Variants in QTMAN observed in about 807,000 individuals in gnomAD.
QTMAN encodes the protein tRNA-queuosine alpha-mannosyltransferase.
At chr2:144,021,692 T>C in the QTMAN span, among the ~76,000 whole-genome samples, 2 of 152,320 alleles carry the variant, frequency 1.3e-5, no homozygotes, top group South Asian at 2.1e-4. Flanking sequence ...ATAAACCCAA[T>C]GTAATAATTA....
the QTMAN span, among the ~76,000 whole-genome samples, chr2:144,170,128 T>C: frequency 6.6e-6 from 1 of 152,220 alleles, no homozygotes; most frequent in Non-Finnish European, 1.5e-5. Flanking sequence ...AGAATTAATA[T>C]TTCACTATAT....
At chr2:144,319,539 C>T in the QTMAN span, among the ~76,000 whole-genome samples, 1 of 151,928 alleles carries the variant, frequency 6.6e-6, no homozygotes, top group Non-Finnish European at 1.5e-5. Context: ...CCAACCAATA[C>T]CACCAAAATT....
At chr2:143,962,309 G>A in the QTMAN span, among the ~76,000 whole-genome samples, 1 of 152,050 alleles carries the variant, frequency 6.6e-6, no homozygotes, top group African/African-American at 2.4e-5. Flanking sequence ...GTCTACATGG[G>A]GAGGAAGAAA....
the QTMAN span, among the ~76,000 whole-genome samples, chr2:143,951,269 C>T: frequency 4.6e-5 from 7 of 151,630 alleles, no homozygotes; most frequent in African/African-American, 1.2e-4. Flanking sequence ...CTTCAAAACT[C>T]ATAAAGCAGA....
At chr2:144,215,259 A>AT in the QTMAN span, among the ~76,000 whole-genome samples, 153 of 149,360 alleles carry the variant, frequency 1.0e-3, no homozygotes, top group East Asian at 3.1e-3. Flanking sequence ...TAAAAAAAAA[A>AT]AAATATATAT....
the QTMAN span, among the ~76,000 whole-genome samples, chr2:144,047,619 T>G: frequency 6.6e-6 from 1 of 152,138 alleles, no homozygotes; most frequent in African/African-American, 2.4e-5. Flanking sequence ...TTAACATGCT[T>G]TCTAAAGTAA....
chr2:144,178,676 C>T, the QTMAN span: 1 of 219,198 alleles, frequency 4.6e-6, no homozygotes, highest in East Asian at 1.4e-4. Flanking sequence ...CAGCACCTAC[C>T]CTATACCATA....
chr2:144,234,848 A>T, the QTMAN span, among the ~76,000 whole-genome samples: 3 of 152,152 alleles, frequency 2.0e-5, no homozygotes, highest in African/African-American at 7.2e-5. Flanking sequence ...GAGTGAGAAC[A>T]TGGGGAAGGA....
chr2:144,028,319 G>T, the QTMAN span, among the ~76,000 whole-genome samples: 1 of 152,070 alleles, frequency 6.6e-6, no homozygotes, highest in African/African-American at 2.4e-5. Context: ...CAAAATGAAG[G>T]TTATTGCCAG....
At chr2:144,059,649 T>G in the QTMAN span, among the ~76,000 whole-genome samples, 96 of 152,232 alleles carry the variant, frequency 6.3e-4, no homozygotes, top group African/African-American at 2.2e-3. Context: ...TATCCAACCC[T>G]CCAATGGCTT....
At chr2:144,264,596 G>A in the QTMAN span, among the ~76,000 whole-genome samples, 1 of 152,184 alleles carries the variant, frequency 6.6e-6, no homozygotes, top group Non-Finnish European at 1.5e-5. Context: ...TATCTAAAAG[G>A]AGAATGCACC....
At chr2:144,115,310 G>GT in the QTMAN span, among the ~76,000 whole-genome samples, 4 of 152,184 alleles carry the variant, frequency 2.6e-5, no homozygotes, top group Non-Finnish European at 4.4e-5. Flanking sequence ...GTGATTCAAA[G>GT]TAAGAATGCT....
At chr2:144,168,629 TTTAAA>T in the QTMAN span, among the ~76,000 whole-genome samples, 2 of 152,138 alleles carry the variant, frequency 1.3e-5, no homozygotes, top group Non-Finnish European at 2.9e-5. Flanking sequence ...ACAATAAAAA[TTTAAA>T]TAAATTTGAA....
At chr2:143,947,919 G>A in the QTMAN span, among the ~76,000 whole-genome samples, 3 of 152,232 alleles carry the variant, frequency 2.0e-5, no homozygotes, top group East Asian at 5.8e-4. Context: ...GGGAAAGGCA[G>A]AGGAGGGAGA....
At chr2:144,332,222 G>C in the QTMAN span, among the ~76,000 whole-genome samples, 233 of 151,926 alleles carry the variant, frequency 1.5e-3, no homozygotes, top group Non-Finnish European at 2.5e-3. Flanking sequence ...GCGGCGCAGG[G>C]AGCGCAGCGC....
the QTMAN span, among the ~76,000 whole-genome samples, chr2:144,183,988 G>T: frequency 6.6e-6 from 1 of 152,172 alleles, no homozygotes; most frequent in Non-Finnish European, 1.5e-5. Context: ...ACAGTGGCGT[G>T]ATTGAGCGGC....
chr2:144,159,958 C>T, the QTMAN span, among the ~76,000 whole-genome samples: 83 of 151,192 alleles, frequency 5.5e-4, no homozygotes, highest in Middle Eastern at 3.4e-3. Flanking sequence ...AGTAGAGAAA[C>T]AAAAGGCAAA....
the QTMAN span, among the ~76,000 whole-genome samples, chr2:144,215,145 G>A: frequency 6.6e-6 from 1 of 151,956 alleles, no homozygotes; most frequent in Non-Finnish European, 1.5e-5. Context: ...CAGAGGCTAA[G>A]GCAAGAGAAT....
At chr2:144,223,193 C>G in the QTMAN span, among the ~76,000 whole-genome samples, 1 of 151,814 alleles carries the variant, frequency 6.6e-6, no homozygotes, top group South Asian at 2.1e-4. Context: ...TCCAAAAAAC[C>G]TAACTTACAA....
Sources: allele counts gnomAD v4.1 joint callset (sites outside exome capture counted in the v4.1 genomes callset), GRCh38; gene constraint gnomAD v4.1.1; transcripts MANE v1.5; gene names NCBI Gene and HGNC (gene_info 2026-07-23, HGNC 2026-07-21).